Variants in FAM3B observed in about 807,000 individuals in gnomAD.
The protein encoded by FAM3B is protein FAM3B.
A neutral mutation model predicts 28.4 loss-of-function variants in FAM3B; 29 were observed. The observed-to-expected ratio is 1.02, with a 90% CI of 0.76 to 1.39. FAM3B has a LOEUF of 1.39. Ranked by LOEUF, FAM3B falls within the 40% of genes most tolerant of loss-of-function variation. The pLI is 0.00. For synonymous variants in FAM3B, 91 were observed against 103.0 expected, an observed-to-expected ratio of 0.88 and a Z score of 0.71; for missense variants, 266 against 293.9, an observed-to-expected ratio of 0.91 and a Z score of 0.69.
chr21:41,304,450 G>T, intron 1 of FAM3B: 1 of 359,540 alleles, frequency 2.8e-6, no homozygotes, highest in African/African-American at 2.2e-5. Flanking sequence ...TTTCCCACGT[G>T]CCCAGGCACC....
At chr21:41,345,526 C>G (rs1312284795) in intron 4 of FAM3B, among the ~76,000 whole-genome samples, 160 bp from the exon 5 acceptor site, 1 of 152,132 alleles carries the variant, frequency 6.6e-6, no homozygotes, top group African/African-American at 2.4e-5. Context: ...GGGGACTCTC[C>G]TCAAGGGGCC....
At chr21:41,338,560 T>A in intron 3 of FAM3B, 59 bp downstream of exon 3, 1 of 1,598,614 alleles carries the variant, frequency 6.3e-7, no homozygotes, top group Non-Finnish European at 8.5e-7. Flanking sequence ...GCCCCTTCCC[T>A]GAGGCTGACC....
rs778618292 is a variant in FAM3B, at chr21:41,350,640, C to T, written c.618+1916C>T. Among the ~76,000 whole-genome samples the T allele has an allele frequency of 1.2e-4, 18 of 152,326 alleles. 1 individual carries two copies. The highest frequency in any genetic ancestry group is 1.9e-4 in the East Asian group (1 of 5,182). ...AAAAACCAGTGATGTCCAGGCTGTGCGCAGGACAACTGAACCAGCTTCTCA... is the reference window on the plus strand; with the variant it reads ...AAAAACCAGTGATGTCCAGGCTGTGTGCAGGACAACTGAACCAGCTTCTCA... On this transcript the variant is annotated intron_variant, in intron 7 of 7. Transcript: ENST00000357985.
intron 1 of FAM3B, among the ~76,000 whole-genome samples, chr21:41,304,505 C>T (rs75743134): frequency 0.03 from 4,546 of 152,296 alleles, 215 homozygotes; most frequent in African/African-American, 0.1. Context: ...CCCCAACTCC[C>T]GTCTAATTCT....
intron 7 of FAM3B, among the ~76,000 whole-genome samples, chr21:41,356,492 G>A (rs1601380002): frequency 6.6e-6 from 1 of 152,122 alleles, no homozygotes; most frequent in Non-Finnish European, 1.5e-5. Context: ...ATGGTTGTGT[G>A]GGTCCTTGGA....
intron 2 of FAM3B, among the ~76,000 whole-genome samples, chr21:41,327,730 G>T (rs962065715): frequency 6.6e-6 from 1 of 152,178 alleles, no homozygotes; most frequent in African/African-American, 2.4e-5. Flanking sequence ...TAATAGTTCA[G>T]CTGGCTTTAC....
At chr21:41,342,220 T>G (rs554415240) in intron 3 of FAM3B, among the ~76,000 whole-genome samples, 1 of 152,368 alleles carries the variant, frequency 6.6e-6, no homozygotes, top group African/African-American at 2.4e-5. Context: ...CTGACAGTCT[T>G]ATTGTCGCTG....
intron 3 of FAM3B, among the ~76,000 whole-genome samples, chr21:41,342,895 C>A (rs2089020705): frequency 2.0e-5 from 3 of 152,172 alleles, no homozygotes. Flanking sequence ...TTTGATCCTG[C>A]ACCTGTTTTT....
rs924553046 is a variant in FAM3B, at chr21:41,348,880, A to G, written c.618+156A>G. Among the ~76,000 whole-genome samples the G allele has an allele frequency of 2.6e-5, 4 of 152,216 alleles. No individual in the cohort carries two copies. In the South Asian group the frequency reaches 6.2e-4, roughly 24 times the overall value. On this transcript the variant is annotated intron_variant, in intron 7 of 7. Transcript: ENST00000357985. ...GCATTAGATCCGGACAGAAGTTTCA[A>G]ACTTCTCCAATCTCTTTCAAAGTAG...
chr21:41,316,735 T>G, upstream of FAM3B: 3 of 708,858 alleles, frequency 4.2e-6, no homozygotes, highest in Non-Finnish European at 6.1e-6. Context: ...CACCTGCCAT[T>G]TGCCCGACTG....
intron 6 of FAM3B, 134 bp from the exon 7 acceptor site, chr21:41,348,458 A>G: frequency 1.1e-6 from 1 of 929,900 alleles, no homozygotes; most frequent in Non-Finnish European, 1.6e-6. Context: ...ACTGTGTGTC[A>G]TGCACTGCAG....
intron 7 of FAM3B, among the ~76,000 whole-genome samples, chr21:41,349,933 C>A (rs901154590): frequency 7.2e-5 from 11 of 152,146 alleles, no homozygotes; most frequent in Non-Finnish European, 1.6e-4. Flanking sequence ...TGGCCTCGAC[C>A]CCTCCTTGCT....
intron 1 of FAM3B, among the ~76,000 whole-genome samples, chr21:41,308,152 G>A (rs943788542): frequency 7.2e-5 from 11 of 152,336 alleles, no homozygotes; most frequent in South Asian, 4.1e-4. Flanking sequence ...TCTTATGACA[G>A]TGAGAGATAA....
chr21:41,305,408 C>G (rs768149652), intron 1 of FAM3B, among the ~76,000 whole-genome samples: 1 of 152,148 alleles, frequency 6.6e-6, no homozygotes, highest in Non-Finnish European at 1.5e-5. Flanking sequence ...GTTCTATTTT[C>G]TTCTGTTTAG....
At chr21:41,328,765 C>T (rs999350403) in intron 2 of FAM3B, among the ~76,000 whole-genome samples, 4 of 152,230 alleles carry the variant, frequency 2.6e-5, no homozygotes, top group East Asian at 1.9e-4. Flanking sequence ...TGAGATGAGA[C>T]GGGGCAGTCA....
intron 2 of FAM3B, among the ~76,000 whole-genome samples, chr21:41,331,735 T>C (rs1330852108): frequency 6.6e-6 from 1 of 152,220 alleles, no homozygotes; most frequent in African/African-American, 2.4e-5. Flanking sequence ...AAGTTAACTG[T>C]GAGCTTTTCA....
chr21:41,316,660 C>G (rs954291060), upstream of FAM3B: 35 of 310,488 alleles, frequency 1.1e-4, no homozygotes, highest in Non-Finnish European at 1.8e-4. Context: ...CTCCCGGGCA[C>G]AGCCCGGGGC....
rs1186283052 is a variant in FAM3B at position 41,338,439 on chromosome 21, C to T, written c.225C>T (p.Ala75=). 1 of 1,614,170 alleles carries T rather than the reference C, an allele frequency of 6.2e-7. No individual in the cohort carries two copies. The change falls in exon 3 of 8, where the codon GCC becomes GCT. Residue 75 remains alanine, a synonymous_variant. Transcript: ENST00000357985. ...HWTPCPSDTY[A]YRLLSGGGRS... is the part of the protein sequence containing the mutation. ...CTCCCTGCCCATCTGACACCTATGC[C>T]TACAGGTTACTCAGCGGAGGTGGCA...
upstream of FAM3B, among the ~76,000 whole-genome samples, chr21:41,315,023 C>T (rs1348078936): frequency 6.6e-6 from 1 of 152,082 alleles, no homozygotes; most frequent in African/African-American, 2.4e-5. Context: ...AATTAAGAGG[C>T]AGAAGAAACC....
Sources: gnomAD v4.1 joint callset for allele counts (sites outside exome capture counted in the v4.1 genomes callset) on GRCh38, gnomAD v4.1.1 for gene constraint, MANE v1.5 for transcripts, NCBI Gene and HGNC (gene_info 2026-07-23, HGNC 2026-07-21) for gene names.